Variants in WWTR1 observed in about 807,000 individuals in gnomAD.
WWTR1 encodes the protein WW domain containing transcription regulator 1, also known as WW domain-containing transcription regulator protein 1.
A neutral mutation model predicts 40.1 loss-of-function variants in WWTR1; 13 were observed. That is an observed-to-expected ratio of 0.32 (90% CI 0.21 to 0.52). WWTR1 has a LOEUF of 0.52. WWTR1 is among the 20% of genes least tolerant of loss of function. WWTR1 has a pLI of 0.97. For missense variants in WWTR1, 436 were observed against 523.1 expected, an observed-to-expected ratio of 0.83 and a Z score of 1.63; for synonymous variants, 230 against 210.1, an observed-to-expected ratio of 1.09 and a Z score of -0.82.
intron 2 of WWTR1, among the ~76,000 whole-genome samples, chr3:149,610,962 C>CCAAG (rs1299945821): frequency 2.6e-5 from 4 of 151,076 alleles, no homozygotes. Flanking sequence ...GGGCAGTGAA[C>CCAAG]CAAGACCCCA....
chr3:149,554,057 CA>C (rs557069067), intron 3 of WWTR1, among the ~76,000 whole-genome samples: 2 of 150,060 alleles, frequency 1.3e-5, no homozygotes, highest in Admixed American at 6.6e-5. Flanking sequence ...ACAAGGTCAG[CA>C]AAAAAAAAGC....
chr3:149,576,448 T>A (rs1737883920), intron 2 of WWTR1, among the ~76,000 whole-genome samples: 1 of 152,150 alleles, frequency 6.6e-6, no homozygotes. Flanking sequence ...CACAGTGTAA[T>A]CTCAGTGTTT....
chr3:149,668,613 A>AAAAAAAACAAC lies in WWTR1; in HGVS notation c.-4+1174_-4+1175insGTTGTTTTTTT, dbSNP rs548038608. Among the ~76,000 whole-genome samples the AAAAAAAACAAC allele has an allele frequency of 2.0e-4, 30 of 147,602 alleles. No homozygotes were observed. The East Asian group carries it at 2.6e-3, about 13-fold the overall frequency. On this transcript the variant is annotated intron_variant, in intron 2 of 7. Transcript: ENST00000465804. The stretch of plus-strand genomic sequence containing the variant: ...ACAGAGCAAGATTGTGTCTCAAAAA[A>AAAAAAAACAAC]AACAACAAAAAACTGAGTCTTCATT...
At position 149,577,332 on chromosome 3, in the gene WWTR1, T is replaced by A. The variant is rs181990160; in HGVS notation, c.432-4332A>T. Among the ~76,000 whole-genome samples, 28 of 152,250 alleles carry A rather than the reference T, an allele frequency of 1.8e-4. No individual in the cohort carries two copies. The East Asian group carries it at 5.0e-3, about 27-fold the overall frequency. Reference sequence around the variant, plus strand: ...GGGGAAGAAAAGCTTTTCTTGACAGTAAACATTTTTTTCCTCGACTTAAAA... The same window carrying A: ...GGGGAAGAAAAGCTTTTCTTGACAGAAAACATTTTTTTCCTCGACTTAAAA... On this transcript the variant is annotated intron_variant, in intron 2 of 6. Transcript: ENST00000360632.
chr3:149,538,962 G>A (rs1022881182), intron 4 of WWTR1, among the ~76,000 whole-genome samples: 2 of 152,136 alleles, frequency 1.3e-5, no homozygotes, highest in Non-Finnish European at 2.9e-5. Flanking sequence ...AGAGATAAAG[G>A]AATGAAGGAA....
At chr3:149,683,837 G>C (rs1714541087) in intron 1 of WWTR1, among the ~76,000 whole-genome samples, 1 of 152,216 alleles carries the variant, frequency 6.6e-6, no homozygotes, top group African/African-American at 2.4e-5. Flanking sequence ...ATGTCCAAGA[G>C]AGACGAGCTG....
At chr3:149,595,759 G>A (rs573711957) in intron 2 of WWTR1, among the ~76,000 whole-genome samples, 101 of 152,212 alleles carry the variant, frequency 6.6e-4, no homozygotes, top group Non-Finnish European at 1.2e-3. Context: ...TGGGCGAGGC[G>A]CGGTGGCCCA....
intron 3 of WWTR1, among the ~76,000 whole-genome samples, chr3:149,544,825 C>T (rs974582141): frequency 3.3e-5 from 5 of 152,226 alleles, no homozygotes; most frequent in Non-Finnish European, 5.9e-5. Flanking sequence ...CCAAATGTTG[C>T]TTGCGTTACT....
At chr3:149,651,950 C>T (rs1712895998) in intron 2 of WWTR1, among the ~76,000 whole-genome samples, 1 of 150,454 alleles carries the variant, frequency 6.6e-6, no homozygotes, top group African/African-American at 2.4e-5. Flanking sequence ...CTGCCTCAGC[C>T]TCCTGAGTAG....
intron 2 of WWTR1, chr3:149,576,113 A>G: frequency 2.2e-6 from 1 of 456,716 alleles, no homozygotes; most frequent in South Asian, 1.5e-5. Context: ...AACTCTGAGA[A>G]GAAAGCCCAA....
chr3:149,576,454 T>C (rs1404606611), intron 2 of WWTR1, among the ~76,000 whole-genome samples: 1 of 152,146 alleles, frequency 6.6e-6, no homozygotes, highest in Non-Finnish European at 1.5e-5. Flanking sequence ...GTAATCTCAG[T>C]GTTTGCCAGG....
At chr3:149,560,000 T>C (rs72615631) in intron 3 of WWTR1, among the ~76,000 whole-genome samples, 9,230 of 152,188 alleles carry the variant, frequency 0.061, 988 homozygotes, top group East Asian at 0.44. Flanking sequence ...GAATAGGAAA[T>C]TGCAGGTTTT....
chr3:149,682,609 T>C (rs1209731755), intron 1 of WWTR1, among the ~76,000 whole-genome samples: 1 of 152,190 alleles, frequency 6.6e-6, no homozygotes, highest in Non-Finnish European at 1.5e-5. Flanking sequence ...CAATATCGAA[T>C]AGACTGTAAA....
intron 1 of WWTR1, among the ~76,000 whole-genome samples, chr3:149,700,323 T>TA (rs934001717): frequency 4.6e-5 from 7 of 151,396 alleles, no homozygotes; most frequent in African/African-American, 7.3e-5. Context: ...AAAAAATTAA[T>TA]AAAAAAAAGA....
intron 2 of WWTR1, among the ~76,000 whole-genome samples, chr3:149,615,385 C>T (rs1156328228): frequency 4.6e-5 from 7 of 152,064 alleles, no homozygotes. Flanking sequence ...TAGCAGTTAA[C>T]CATTACAAAT....
chr3:149,691,849 T>C (rs1714836567), intron 1 of WWTR1, among the ~76,000 whole-genome samples: 1 of 152,092 alleles, frequency 6.6e-6, no homozygotes, highest in South Asian at 2.1e-4. Flanking sequence ...ACCCCGTCTC[T>C]ACTAAAAATA....
intron 3 of WWTR1, among the ~76,000 whole-genome samples, chr3:149,564,581 A>G (rs1737226296): frequency 6.6e-6 from 1 of 152,014 alleles, no homozygotes; most frequent in Non-Finnish European, 1.5e-5. Flanking sequence ...CAAAGGCTTA[A>G]CTATAATCAC....
At chr3:149,650,023 A>G (rs971816053) in intron 2 of WWTR1, 1 of 152,058 alleles carries the variant, frequency 6.6e-6, no homozygotes, top group Non-Finnish European at 1.5e-5. Flanking sequence ...CGGCCCCCCA[A>G]AGTGATAAGA....
intron 6 of WWTR1, among the ~76,000 whole-genome samples, chr3:149,522,440 G>T (rs1735096712): frequency 6.6e-6 from 1 of 152,100 alleles, no homozygotes; most frequent in African/African-American, 2.4e-5. Flanking sequence ...TATTTTCATT[G>T]CAAAGGGTAG....
Sources: gnomAD v4.1 joint callset for allele counts (sites outside exome capture counted in the v4.1 genomes callset) on GRCh38, gnomAD v4.1.1 for gene constraint, MANE v1.5 for transcripts, NCBI Gene and HGNC (gene_info 2026-07-23, HGNC 2026-07-21) for gene names.